The following GPHN variants were observed in gnomAD, a reference collection of about 807,000 sequenced individuals.
GPHN encodes the protein gephyrin.
GPHN carries 17 observed loss-of-function variants against 95.5 expected under a neutral mutation model. That is an observed-to-expected ratio of 0.18 (90% CI 0.12 to 0.27). GPHN has a LOEUF of 0.27. Ranked by LOEUF, GPHN falls within the 10% of genes least tolerant of loss-of-function variation. The pLI is 1.00. For synonymous variants in GPHN, 320 were observed against 322.5 expected (o/e 0.99, Z 0.08); for missense variants, 660 against 978.1 (o/e 0.67, Z 4.34).
rs60167845 is a variant in GPHN, at chr14:66,716,982, A to G, written c.143+35797A>G. Among the ~76,000 whole-genome samples the G allele has an allele frequency of 3.3e-3, 498 of 152,314 alleles. 2 individuals are homozygous for G. Among genetic ancestry groups the G allele is most frequent in the Non-Finnish European group, 5.4e-3 (365 of 68,024 alleles). The stretch of plus-strand genomic sequence containing the variant: ...CTTAACTTTGGCTAACCTGGTGACA[A>G]TATGCCTAGGCGATGATCTTTTTGT... On this transcript the variant is annotated intron_variant, in intron 2 of 22. Coordinates refer to ENST00000478722, the MANE Select transcript of GPHN (RefSeq NM_020806.5).
At chr14:66,913,893 T>C (rs996911655) in intron 5 of GPHN, among the ~76,000 whole-genome samples, 9 of 152,214 alleles carry the variant, frequency 5.9e-5, no homozygotes, top group African/African-American at 2.2e-4. Context: ...TTATTAATCC[T>C]AAAGCATTAT....
At chr14:67,012,774 GT>G (rs2073082871) in intron 9 of GPHN, among the ~76,000 whole-genome samples, 1 of 152,116 alleles carries the variant, frequency 6.6e-6, no homozygotes, top group African/African-American at 2.4e-5. Context: ...ACCTTTAGCT[GT>G]TTCCTCAGTC....
the GPHN span, among the ~76,000 whole-genome samples, chr14:67,675,979 C>T: frequency 6.6e-6 from 1 of 152,010 alleles, no homozygotes; most frequent in Non-Finnish European, 1.5e-5. Context: ...CGCCTGTAAC[C>T]CCAGCTACTC....
intron 1 of GPHN, among the ~76,000 whole-genome samples, chr14:66,553,285 C>T (rs114319654): frequency 7.3e-4 from 111 of 152,296 alleles, no homozygotes; most frequent in African/African-American, 2.5e-3. Flanking sequence ...GCTACCGCAC[C>T]TGGCCCTAAA....
intron 9 of GPHN, 97 bp from the exon 10 acceptor site, chr14:67,023,536 C>G: frequency 1.2e-6 from 1 of 845,296 alleles, no homozygotes; most frequent in Non-Finnish European, 2.1e-6. Flanking sequence ...TATATAAAGC[C>G]TTTGCTCCTA....
intron 1 of GPHN, among the ~76,000 whole-genome samples, chr14:66,661,537 T>G (rs560956189): frequency 6.6e-6 from 1 of 151,528 alleles, no homozygotes; most frequent in Non-Finnish European, 1.5e-5. Flanking sequence ...ATCTCTGCTG[T>G]TTGGACAGCT....
intron 5 of GPHN, 41 bp downstream of exon 5, chr14:66,880,074 G>T: frequency 1.7e-6 from 2 of 1,204,912 alleles, no homozygotes; most frequent in South Asian, 2.4e-5. Context: ...TTTGCTAGGT[G>T]AACTGTTTCC....
chr14:67,606,994 A>G, the GPHN span, among the ~76,000 whole-genome samples: 1 of 152,222 alleles, frequency 6.6e-6, no homozygotes, highest in Non-Finnish European at 1.5e-5. Flanking sequence ...TGTGAGAGGT[A>G]AACCAGCAGC....
intron 12 of GPHN, among the ~76,000 whole-genome samples, chr14:67,091,959 C>T (rs754847743): frequency 1.3e-5 from 2 of 151,858 alleles, no homozygotes; most frequent in Non-Finnish European, 2.9e-5. Context: ...GTTGGTACTT[C>T]TCCAAGATAT....
chr14:67,146,715 C>T (rs961070516), intron 18 of GPHN, among the ~76,000 whole-genome samples: 1 of 152,160 alleles, frequency 6.6e-6, no homozygotes, highest in African/African-American at 2.4e-5. Context: ...TTTTGTAAGT[C>T]TAGAGCCATG....
rs577736554 is a variant in GPHN, at chr14:66,523,213, T to C, written c.64+14622T>C. 4.8e-4 allele frequency among the ~76,000 whole-genome samples: 73 copies of C among 152,150 alleles called. 1 individual carries two copies. In the South Asian group the frequency reaches 0.014, roughly 30 times the overall value. On this transcript the variant is annotated intron_variant, in intron 1 of 22. Transcript: ENST00000478722. Reference sequence around the variant, plus strand: ...AATGTCTGTTACTTCCACTGCACAATATGTGCAATTTTATTTCATTCAATA... The same window carrying C: ...AATGTCTGTTACTTCCACTGCACAACATGTGCAATTTTATTTCATTCAATA...
At chr14:66,687,297 G>C (rs1449749572) in intron 2 of GPHN, among the ~76,000 whole-genome samples, 2 of 151,950 alleles carry the variant, frequency 1.3e-5, no homozygotes, top group East Asian at 3.9e-4. Context: ...CCCCAGCTTT[G>C]TTCTTTTTGC....
chr14:67,490,942 G>C, the GPHN span, among the ~76,000 whole-genome samples: 1 of 152,132 alleles, frequency 6.6e-6, no homozygotes, highest in Non-Finnish European at 1.5e-5. Context: ...TTCTCCAGCA[G>C]ACACCAACTG....
At chr14:67,699,274 A>C in the GPHN span, among the ~76,000 whole-genome samples, 1 of 151,228 alleles carries the variant, frequency 6.6e-6, no homozygotes, top group African/African-American at 2.4e-5. Context: ...AAAAGATAAA[A>C]GGCTGGATGT....
chr14:67,698,975 G>C, the GPHN span, among the ~76,000 whole-genome samples: 2 of 152,198 alleles, frequency 1.3e-5, no homozygotes, highest in Non-Finnish European at 2.9e-5. Flanking sequence ...AAAGGGCCAG[G>C]CATGTTGGCT....
chr14:67,290,480 T>G, the GPHN span, among the ~76,000 whole-genome samples: 28 of 152,128 alleles, frequency 1.8e-4, no homozygotes, highest in African/African-American at 6.7e-4. Context: ...ATGGCCCCAG[T>G]GGATTCTCCC....
the GPHN span, chr14:67,321,147 GAAAGT>G: frequency 1.2e-6 from 2 of 1,614,064 alleles, no homozygotes; most frequent in Non-Finnish European, 1.7e-6. Context: ...ATAGCAGCTG[GAAAGT>G]TCATTGAGCA....
chr14:66,736,930 CT>C (rs2072346445), intron 2 of GPHN, among the ~76,000 whole-genome samples: 1 of 152,056 alleles, frequency 6.6e-6, no homozygotes, highest in Non-Finnish European at 1.5e-5. Context: ...TGAGACCTGT[CT>C]TCCAGTTTAT....
rs75528568 is a variant in GPHN at position 66,550,623 on chromosome 14, G to A, written c.64+42032G>A. Among the ~76,000 whole-genome samples the A allele has an allele frequency of 3.9e-3, 590 of 152,342 alleles. 2 individuals carry two copies. The highest frequency in any genetic ancestry group is 6.4e-3 in the Non-Finnish European group (436 of 68,028). ...TCTGTCAGTAAAATTCTATCAAACA[G>A]CATTGCCTGCTACAGATAAATATTT... On this transcript the variant is annotated intron_variant, in intron 1 of 22. Coordinates refer to ENST00000478722, the MANE Select transcript of GPHN (RefSeq NM_020806.5).
Sources: allele counts gnomAD v4.1 joint callset (sites outside exome capture counted in the v4.1 genomes callset), GRCh38; gene constraint gnomAD v4.1.1; transcripts MANE v1.5; gene names NCBI Gene and HGNC (gene_info 2026-07-23, HGNC 2026-07-21).